The following ARID5B variants were observed in gnomAD, a reference collection of about 807,000 sequenced individuals.
The protein encoded by ARID5B is AT-rich interaction domain 5B.
ARID5B carries 13 observed loss-of-function variants against 97.2 expected under a neutral mutation model. The observed-to-expected ratio is 0.13, with a 90% CI of 0.09 to 0.21. The LOEUF (loss-of-function observed/expected upper bound fraction) is 0.21, where lower values mean the gene tolerates loss of function less well. Ranked by LOEUF, ARID5B falls within the 10% of genes least tolerant of loss-of-function variation. ARID5B has a pLI of 1.00. For missense variants in ARID5B, 1,210 were observed against 1,465.3 expected, an observed-to-expected ratio of 0.83 and a Z score of 2.84; for synonymous variants, 556 against 570.3, an observed-to-expected ratio of 0.97 and a Z score of 0.36.
chr10:61,950,899 C>A (rs1838316898), intron 3 of ARID5B, among the ~76,000 whole-genome samples: 1 of 152,148 alleles, frequency 6.6e-6, no homozygotes, highest in African/African-American at 2.4e-5. Flanking sequence ...GAACACAAAG[C>A]AGATATATCC....
chr10:61,930,848 C>G (rs1279949286), intron 2 of ARID5B, among the ~76,000 whole-genome samples: 2 of 152,124 alleles, frequency 1.3e-5, no homozygotes, highest in Non-Finnish European at 2.9e-5. Context: ...CTTTTGGGAA[C>G]TGAGTATTAA....
chr10:61,992,160 A>G (rs971789353), intron 3 of ARID5B, among the ~76,000 whole-genome samples: 4 of 152,214 alleles, frequency 2.6e-5, no homozygotes, highest in East Asian at 1.9e-4. Flanking sequence ...CTACATGTCA[A>G]TCTGGCCATG....
At chr10:61,980,934 G>A (rs143616296) in intron 3 of ARID5B, among the ~76,000 whole-genome samples, 2 of 152,276 alleles carry the variant, frequency 1.3e-5, no homozygotes, top group East Asian at 1.9e-4. Flanking sequence ...ACTGCCTTGC[G>A]TCTGTTCTCA....
rs1844109497 is a variant in ARID5B, at chr10:61,926,599, T to C, written c.277-13584T>C. 2.0e-5 allele frequency among the ~76,000 whole-genome samples: 3 copies of C among 151,958 alleles called. No individual in the cohort carries two copies. In the South Asian group the frequency reaches 6.2e-4, roughly 32 times the overall value. On this transcript the variant is annotated intron_variant, in intron 2 of 9. Transcript: ENST00000279873. ...GTATTTAATTTTATTATTATTATTG[T>C]TATATTTTATTTATTTATTTATTTT...
intron 4 of ARID5B, among the ~76,000 whole-genome samples, chr10:62,040,630 A>T (rs997043114): frequency 2.6e-5 from 4 of 152,244 alleles, no homozygotes; most frequent in Non-Finnish European, 5.9e-5. Context: ...CACATTTTAA[A>T]AGGTAAAAAG....
At chr10:61,916,936 C>T (rs61852288) in intron 2 of ARID5B, among the ~76,000 whole-genome samples, 9,867 of 152,094 alleles carry the variant, frequency 0.065, 684 homozygotes, top group African/African-American at 0.17. Context: ...GTGACTGGGC[C>T]AGGTCTGGGA....
chr10:62,043,100 G>C (rs903839655), intron 4 of ARID5B, among the ~76,000 whole-genome samples: 8 of 151,978 alleles, frequency 5.3e-5, no homozygotes, highest in South Asian at 2.1e-4. Flanking sequence ...TCTTACAAGG[G>C]GACCCTCCAC....
intron 3 of ARID5B, among the ~76,000 whole-genome samples, chr10:61,968,066 G>C (rs1460811823): frequency 6.7e-6 from 1 of 148,190 alleles, no homozygotes; most frequent in African/African-American, 2.5e-5. Context: ...AGTGGGTGGG[G>C]GTGGCTCATT....
intron 7 of ARID5B, among the ~76,000 whole-genome samples, chr10:62,064,116 C>G (rs982876026): frequency 2.6e-5 from 4 of 152,236 alleles, no homozygotes; most frequent in Non-Finnish European, 5.9e-5. Context: ...TGGAAGAAGC[C>G]TCTTTCCTTG....
chr10:62,024,759 G>T lies in ARID5B; in HGVS notation c.733+24438G>T, dbSNP rs1431845084. On this transcript the variant is annotated intron_variant, in intron 4 of 9. Coordinates refer to ENST00000279873, the MANE Select transcript of ARID5B (RefSeq NM_032199.3). ...GAAGAAAATCTAGAAAAGTTTTCAC[G>T]GGTAGATATTGATTGAGTTTCCACT... is the stretch of plus-strand genomic sequence containing the variant. 1.5e-5 allele frequency: 6 copies of T among 394,218 alleles called. No homozygotes were observed. The South Asian group carries it at 5.1e-4, about 34-fold the overall frequency. 24.4% of individuals were successfully genotyped at this position (394,218 alleles called of 1,614,324 possible). A position where few individuals can be genotyped will look rare whatever the true frequency, so the allele number is the denominator to read the frequency against.
intron 4 of ARID5B, among the ~76,000 whole-genome samples, chr10:62,031,140 A>C (rs2132904857): frequency 6.6e-6 from 1 of 152,336 alleles, no homozygotes; most frequent in East Asian, 1.9e-4. Flanking sequence ...AGGCTGTGGC[A>C]GGAGAGTCAC....
rs985693143 is a variant in ARID5B, at chr10:62,093,315, A to C, written c.*285A>C. The C allele has an allele frequency of 2.1e-5, 7 of 338,340 alleles. No homozygotes were observed. Among genetic ancestry groups the C allele is most frequent in the Non-Finnish European group, 5.4e-6 (1 of 186,696 alleles). The allele number at this position is 338,340 out of a possible 1,614,324, so 21.0% of individuals were successfully genotyped here. A position where few individuals can be genotyped will look rare whatever the true frequency, so the allele number is the denominator to read the frequency against. On this transcript the variant is annotated 3_prime_UTR_variant, in exon 10 of 10. Coordinates refer to ENST00000279873, the MANE Select transcript of ARID5B (RefSeq NM_032199.3). The stretch of plus-strand genomic sequence containing the variant: ...GTGGGCCTTGTGAAGGGATTTGTGA[A>C]TATCCAGGAAGAACTTAGAGGACCC...
At chr10:62,068,707 G>A (rs938739690) in intron 7 of ARID5B, among the ~76,000 whole-genome samples, 2 of 151,986 alleles carry the variant, frequency 1.3e-5, no homozygotes, top group Admixed American at 1.3e-4. Flanking sequence ...TAACCCTGTT[G>A]AGAAATGTTC....
intron 2 of ARID5B, among the ~76,000 whole-genome samples, chr10:61,932,877 C>T (rs1480636916): frequency 6.6e-6 from 1 of 152,128 alleles, no homozygotes; most frequent in Non-Finnish European, 1.5e-5. Flanking sequence ...AAGAGGATTG[C>T]TTGAGGCTAG....
chr10:62,083,582 T>C (rs923829600), intron 8 of ARID5B, among the ~76,000 whole-genome samples: 7 of 152,074 alleles, frequency 4.6e-5, no homozygotes, highest in African/African-American at 1.7e-4. Context: ...ACCATCTCCA[T>C]CAGAAAATGA....
intron 2 of ARID5B, among the ~76,000 whole-genome samples, chr10:61,921,480 G>GC (rs1260239033): frequency 2.0e-5 from 3 of 152,310 alleles, no homozygotes; most frequent in East Asian, 3.9e-4. Context: ...TGGCTTCCTT[G>GC]CTGGGCCACA....
intron 2 of ARID5B, among the ~76,000 whole-genome samples, chr10:61,903,947 T>G (rs999894078): frequency 6.3e-5 from 9 of 142,848 alleles, no homozygotes; most frequent in African/African-American, 2.3e-4. Context: ...TTTCCCGACG[T>G]CCGCCTGCAA....
chr10:61,973,910 A>G (rs563428368), intron 3 of ARID5B, among the ~76,000 whole-genome samples: 23 of 152,356 alleles, frequency 1.5e-4, no homozygotes, highest in Non-Finnish European at 2.5e-4. Flanking sequence ...GCCTTATCCA[A>G]TTATAAAATC....
chr10:61,943,660 G>A (rs1016297699), intron 3 of ARID5B, among the ~76,000 whole-genome samples: 1 of 151,982 alleles, frequency 6.6e-6, no homozygotes, highest in Admixed American at 6.6e-5. Context: ...GCTCATTAAA[G>A]CACTTTTCTT....
Sources: allele counts gnomAD v4.1 joint callset (sites outside exome capture counted in the v4.1 genomes callset), GRCh38; gene constraint gnomAD v4.1.1; transcripts MANE v1.5; gene names NCBI Gene and HGNC (gene_info 2026-07-23, HGNC 2026-07-21).